The following ZFAND4 variants were observed in gnomAD, a reference collection of about 807,000 sequenced individuals.
ZFAND4 encodes the protein AN1-type zinc finger protein 4.
A neutral mutation model predicts 64.4 loss-of-function variants in ZFAND4; 43 were observed. That is an observed-to-expected ratio of 0.67 (90% CI 0.52 to 0.86). The LOEUF is 0.86. Among genes scored for constraint, ZFAND4 ranks in the 40% least tolerant of loss-of-function variants. The pLI, the probability that ZFAND4 is intolerant of heterozygous loss-of-function variation, is 0.00. For synonymous variants in ZFAND4, 296 were observed against 305.7 expected (o/e 0.97, Z 0.33); for missense variants, 929 against 859.8 (o/e 1.08, Z -1.01).
chr10:45,618,270 G>GAAAGGACACCTTGATTAAC lies in ZFAND4; in HGVS notation c.1928-29_1928-11dup. On this transcript the variant is annotated splice_polypyrimidine_tract_variant and intron_variant, in intron 8 of 9. Coordinates refer to ENST00000344646, the MANE Select transcript of ZFAND4 (RefSeq NM_174890.4). ...TGAGTAGTACATTCTCCTGTTTAGA[G>GAAAGGACACCTTGATTAAC]AAAGGACACCTTGATTAACACAGGC... The GAAAGGACACCTTGATTAAC allele has an allele frequency of 6.2e-7, 1 of 1,609,264 alleles. No individual in the cohort carries two copies. The highest frequency in any genetic ancestry group is 2.2e-5 in the East Asian group (1 of 44,628).
Position 45,616,316 on chromosome 10 carries a change from T to A in ZFAND4, c.*120A>T. On this transcript the variant is annotated 3_prime_UTR_variant, in exon 10 of 10. Coordinates refer to ENST00000344646, the MANE Select transcript of ZFAND4 (RefSeq NM_174890.4). ...CATTCTTGTTCTCCAACAGTATGCA[T>A]TGTATGCTTTTGTTATTTGGCAAAT... 7.7e-7 allele frequency: 1 copy of A among 1,299,626 alleles called. No homozygotes were observed. Among genetic ancestry groups the A allele is most frequent in the Middle Eastern group, 1.9e-4 (1 of 5,162 alleles). 80.5% of individuals were successfully genotyped at this position (1,299,626 alleles called of 1,614,324 possible).
chr10:45,640,781 C>T (rs966238007), intron 5 of ZFAND4, among the ~76,000 whole-genome samples: 7 of 152,162 alleles, frequency 4.6e-5, no homozygotes, highest in South Asian at 2.1e-4. Flanking sequence ...TGAGCCACCG[C>T]GCCCAGCCAA....
Position 45,616,358 on chromosome 10 carries a change from A to C in ZFAND4, c.*78T>G. 1 of 1,548,010 alleles carries C rather than the reference A, an allele frequency of 6.5e-7. No individual in the cohort carries two copies. On this transcript the variant is annotated 3_prime_UTR_variant, in exon 10 of 10. Coordinates refer to ENST00000344646, the MANE Select transcript of ZFAND4 (RefSeq NM_174890.4). ...TTGGCAAATCTTTTAGAGTCGAACAAAAATAATAGTCTAAACAACATTTCT... is the reference window on the plus strand; with the variant it reads ...TTGGCAAATCTTTTAGAGTCGAACACAAATAATAGTCTAAACAACATTTCT...
rs145327982 is a variant in ZFAND4 at position 45,648,413 on chromosome 10, T to C, written c.450A>G (p.Gln150=). The part of the protein sequence containing the change: ...VTFLVYQEGD[Q]LNFFPAVDRG... ...TATCTACTGCAGGAAAGAAATTCAA[T>C]TGATCTCCTTCTTGGTATACCAAAA... Residue 150 remains glutamine, a synonymous_variant, in exon 5 of 10, where the codon CAA becomes CAG. Transcript: ENST00000344646. The C allele has an allele frequency of 4.9e-4, 786 of 1,614,062 alleles. 1 individual carries two copies. Among genetic ancestry groups the C allele is most frequent in the African/African-American group, 4.8e-3 (359 of 75,052 alleles).
At chr10:45,635,821 C>T (rs1370057824) in intron 6 of ZFAND4, among the ~76,000 whole-genome samples, 1 of 152,156 alleles carries the variant, frequency 6.6e-6, no homozygotes, top group Middle Eastern at 3.2e-3. Context: ...CTGTGTTATA[C>T]ACTTAACATT....
intron 1 of ZFAND4, among the ~76,000 whole-genome samples, chr10:45,669,697 T>G (rs1303471158): frequency 6.6e-6 from 1 of 152,190 alleles, no homozygotes; most frequent in East Asian, 1.9e-4. Context: ...CAAGTCGGCC[T>G]CATCCCTGGG....
At position 45,628,832 on chromosome 10, in the gene ZFAND4, C is replaced by A. The variant is rs188782508; in HGVS notation, c.718-1727G>T. Among the ~76,000 whole-genome samples, 41 of 142,066 alleles carry A rather than the reference C, an allele frequency of 2.9e-4. 1 individual carries two copies. The Admixed American group carries it at 3.0e-3, about 10-fold the overall frequency. 93.2% of individuals were successfully genotyped at this position (142,066 alleles called of 152,430 possible). ...AAAATATTCCCCAATCCAAGAAACT[C>A]ATCTGCAAAGCCTATGCCTGTGGTG... On this transcript the variant is annotated intron_variant, in intron 6 of 9. Coordinates refer to ENST00000344646, the MANE Select transcript of ZFAND4 (RefSeq NM_174890.4).
At chr10:45,619,091 T>C (rs1377758196) in intron 8 of ZFAND4, among the ~76,000 whole-genome samples, 1 of 152,052 alleles carries the variant, frequency 6.6e-6, no homozygotes, top group African/African-American at 2.4e-5. Context: ...CAGGCTGTAG[T>C]GCAGTGGCGC....
chr10:45,632,180 C>T (rs1043170188), intron 6 of ZFAND4, among the ~76,000 whole-genome samples: 2 of 152,094 alleles, frequency 1.3e-5, no homozygotes, highest in African/African-American at 4.8e-5. Flanking sequence ...TGGTGAAACC[C>T]CGTCTCTAGT....
rs563374182 is a variant in ZFAND4, at chr10:45,647,887, C to G, written c.569+407G>C. Among the ~76,000 whole-genome samples the G allele has an allele frequency of 7.2e-5, 11 of 152,198 alleles. 1 individual carries two copies. In the South Asian group the frequency reaches 2.3e-3, roughly 32 times the overall value. On this transcript the variant is annotated intron_variant, in intron 5 of 9. Coordinates refer to ENST00000344646, the MANE Select transcript of ZFAND4 (RefSeq NM_174890.4). ...TAGCTAAATATATGTAGGGTTTTTC[C>G]TCCTGATTTTAGAATATTACAATTT...
chr10:45,642,972 C>A (rs1472522602), intron 5 of ZFAND4, among the ~76,000 whole-genome samples: 1 of 130,284 alleles, frequency 7.7e-6, no homozygotes, highest in Non-Finnish European at 1.5e-5. Context: ...GGCTGGAGTG[C>A]AATGGTGCAA....
At chr10:45,669,296 T>G (rs2049029209) in intron 1 of ZFAND4, among the ~76,000 whole-genome samples, 1 of 152,156 alleles carries the variant, frequency 6.6e-6, no homozygotes, top group African/African-American at 2.4e-5. Context: ...ATTGATAAAT[T>G]CCTGGACACA....
At chr10:45,648,596 G>A in intron 4 of ZFAND4, 62 bp from the exon 5 acceptor site, 1 of 1,526,934 alleles carries the variant, frequency 6.5e-7, no homozygotes, top group Non-Finnish European at 8.8e-7. Context: ...TCTTGGTACA[G>A]TGACAGGATA....
chr10:45,642,975 T>C (rs993422933), intron 5 of ZFAND4, among the ~76,000 whole-genome samples: 5 of 142,938 alleles, frequency 3.5e-5, no homozygotes, highest in Non-Finnish European at 7.5e-5. Context: ...TGGAGTGCAA[T>C]GGTGCAATCT....
At chr10:45,641,650 A>G (rs1449841876) in intron 5 of ZFAND4, among the ~76,000 whole-genome samples, 1 of 152,208 alleles carries the variant, frequency 6.6e-6, no homozygotes, top group Non-Finnish European at 1.5e-5. Context: ...AGCCACAGTT[A>G]CCTACTACAG....
intron 2 of ZFAND4, among the ~76,000 whole-genome samples, chr10:45,654,767 C>A (rs2047993181): frequency 1.3e-5 from 2 of 151,964 alleles, no homozygotes; most frequent in Non-Finnish European, 2.9e-5. Flanking sequence ...CAAAGAAGGT[C>A]ATTATATAAT....
rs571535654 is a variant in ZFAND4, at chr10:45,655,531, T to C, written c.185-2472A>G. On this transcript the variant is annotated intron_variant, in intron 2 of 9. Transcript: ENST00000344646. Reference sequence around the variant, plus strand: ...TAACAAAGATCAGAGCAGAACTAAATTGAATGGAAACAAAAAATACTAAAG... The same window carrying C: ...TAACAAAGATCAGAGCAGAACTAAACTGAATGGAAACAAAAAATACTAAAG... Among the ~76,000 whole-genome samples, 95 of 152,172 alleles carry C rather than the reference T, an allele frequency of 6.2e-4. No homozygotes were observed. In the South Asian group the frequency reaches 8.9e-3, roughly 14 times the overall value.
intron 1 of ZFAND4, among the ~76,000 whole-genome samples, chr10:45,669,431 A>G (rs1368209977): frequency 6.6e-6 from 1 of 152,234 alleles, no homozygotes; most frequent in African/African-American, 2.4e-5. Flanking sequence ...ATGGATTCAC[A>G]GCCAAATTCT....
intron 5 of ZFAND4, among the ~76,000 whole-genome samples, chr10:45,645,391 G>A (rs2047311016): frequency 6.6e-6 from 1 of 152,058 alleles, no homozygotes; most frequent in African/African-American, 2.4e-5. Flanking sequence ...AACTTCAATT[G>A]TTTCATGGAC....
Sources: allele counts gnomAD v4.1 joint callset (sites outside exome capture counted in the v4.1 genomes callset), GRCh38; gene constraint gnomAD v4.1.1; transcripts MANE v1.5; gene names NCBI Gene and HGNC (gene_info 2026-07-23, HGNC 2026-07-21).